MYO3B: variants seen among roughly 807,000 people sequenced by gnomAD.
MYO3B encodes myosin-IIIb.
Under a neutral mutation model 174.6 loss-of-function variants are expected in MYO3B, and 156 were observed. That is an observed-to-expected ratio of 0.89 (90% CI 0.78 to 1.02). The LOEUF is 1.02. Among genes scored for constraint, MYO3B ranks in the 50% least tolerant of loss-of-function variants. The pLI is 0.00. For missense variants in MYO3B, 1,632 were observed against 1,639.4 expected (o/e 1.00, Z 0.08); for synonymous variants, 563 against 569.1 (o/e 0.99, Z 0.15).
chr2:170,637,478 A>G (rs759494660), intron 32 of MYO3B, among the ~76,000 whole-genome samples: 59 of 152,030 alleles, frequency 3.9e-4, no homozygotes, highest in Non-Finnish European at 6.0e-4. Context: ...CCACCTGAGT[A>G]TAGGGATATT....
intron 25 of MYO3B, among the ~76,000 whole-genome samples, chr2:170,491,132 A>G (rs759379553): frequency 2.6e-5 from 4 of 151,854 alleles, no homozygotes; most frequent in Non-Finnish European, 4.4e-5. Flanking sequence ...TCTATTTCTT[A>G]TGGTGGAGGT....
At chr2:170,461,669 G>A (rs543707904) in intron 23 of MYO3B, among the ~76,000 whole-genome samples, 13 of 151,852 alleles carry the variant, frequency 8.6e-5, no homozygotes, top group African/African-American at 3.1e-4. Flanking sequence ...CCAGCTACTC[G>A]GGAGGCCGAG....
Position 170,622,570 on chromosome 2 carries a change from T to C in MYO3B, c.3734-29058T>C, listed in dbSNP as rs913676702. Reference sequence around the variant, plus strand: ...CACATTCTTACATTCTTTTATAATATACATTTTTTTTTATTATTATACTTT... The same window carrying C: ...CACATTCTTACATTCTTTTATAATACACATTTTTTTTTATTATTATACTTT... On this transcript the variant is annotated intron_variant, in intron 32 of 34. Coordinates refer to ENST00000408978, the MANE Select transcript of MYO3B (RefSeq NM_138995.5). Among the ~76,000 whole-genome samples the C allele has an allele frequency of 1.1e-3, 152 of 144,432 alleles. 1 individual carries two copies. The highest frequency in any genetic ancestry group is 3.9e-3 in the African/African-American group (145 of 36,814). 94.8% of individuals were successfully genotyped at this position (144,432 alleles called of 152,430 possible).
Position 170,514,340 on chromosome 2 carries a change from C to T in MYO3B, c.3371-581C>T, listed in dbSNP as rs1688161188. Among the ~76,000 whole-genome samples the T allele has an allele frequency of 2.0e-5, 3 of 152,162 alleles. No homozygotes were observed. The South Asian group carries it at 6.2e-4, about 32-fold the overall frequency. On this transcript the variant is annotated intron_variant, in intron 28 of 34. Coordinates refer to ENST00000408978, the MANE Select transcript of MYO3B (RefSeq NM_138995.5). ...AAGCTGACTGGACAATGAGAAGCTG[C>T]AATGTGATATTCCTCAAGTGAATAT...
intron 22 of MYO3B, among the ~76,000 whole-genome samples, chr2:170,432,646 G>A (rs556561637): frequency 2.0e-5 from 3 of 150,798 alleles, no homozygotes; most frequent in East Asian, 2.0e-4. Flanking sequence ...GCACGATCTC[G>A]GCTCACTGCA....
chr2:170,572,866 C>T (rs1012041349), intron 32 of MYO3B, among the ~76,000 whole-genome samples: 1 of 152,076 alleles, frequency 6.6e-6, no homozygotes, highest in Non-Finnish European at 1.5e-5. Context: ...TTATTCCAGA[C>T]CAAAATATTA....
At chr2:170,267,508 C>T (rs1416283254) in intron 7 of MYO3B, among the ~76,000 whole-genome samples, 1 of 152,174 alleles carries the variant, frequency 6.6e-6, no homozygotes, top group Non-Finnish European at 1.5e-5. Flanking sequence ...TAGAATTATG[C>T]TGTATATACA....
Position 170,437,524 on chromosome 2 carries a change from G to C in MYO3B, c.2651-6443G>C, listed in dbSNP as rs149486639. On this transcript the variant is annotated intron_variant, in intron 22 of 34. Transcript: ENST00000408978. ...ATCTCTGCGGACACAAGGACACAGA[G>C]AAGAATCTGAACAAATAGGCCTTGC... Among the ~76,000 whole-genome samples the C allele has an allele frequency of 1.9e-3, 294 of 152,264 alleles. 4 individuals carry two copies. The highest frequency in any genetic ancestry group is 6.5e-3 in the African/African-American group (272 of 41,544).
intron 30 of MYO3B, among the ~76,000 whole-genome samples, chr2:170,527,364 G>A (rs746639682): frequency 2.6e-5 from 4 of 152,120 alleles, no homozygotes; most frequent in Non-Finnish European, 4.4e-5. Context: ...ATAGTGTTTG[G>A]GTAGAATATA....
intron 22 of MYO3B, among the ~76,000 whole-genome samples, chr2:170,418,633 G>A (rs2094596413): frequency 6.6e-6 from 1 of 152,118 alleles, no homozygotes; most frequent in African/African-American, 2.4e-5. Flanking sequence ...CCCATGATGA[G>A]AACAGAAGTC....
chr2:170,633,696 T>C (rs781746351), intron 32 of MYO3B, among the ~76,000 whole-genome samples: 2 of 152,224 alleles, frequency 1.3e-5, no homozygotes, highest in Non-Finnish European at 2.9e-5. Context: ...TGTTTGCAGA[T>C]GATTGTATAT....
Position 170,214,540 on chromosome 2 carries a change from T to G in MYO3B, c.426+57T>G, listed in dbSNP as rs2092807242. 44 of 1,535,794 alleles carry G rather than the reference T, an allele frequency of 2.9e-5. No homozygotes were observed. The South Asian group carries it at 4.8e-4, about 17-fold the overall frequency. ...CAGATGGGATGGTTTGTTCATTGCT[T>G]GGGTCCTTATTGCATATTAACAATG... On this transcript the variant is annotated intron_variant, in intron 4 of 34. Transcript: ENST00000408978.
intron 22 of MYO3B, among the ~76,000 whole-genome samples, chr2:170,428,748 A>G (rs1238526847): frequency 3.3e-5 from 5 of 152,232 alleles, no homozygotes; most frequent in Non-Finnish European, 5.9e-5. Flanking sequence ...GTGAAGCTAC[A>G]TAGCCACAAA....
At chr2:170,563,117 CAT>C (rs1385599587) in intron 32 of MYO3B, among the ~76,000 whole-genome samples, 15 of 133,050 alleles carry the variant, frequency 1.1e-4, no homozygotes, top group African/African-American at 5.0e-4. Context: ...CTCTCTCACA[CAT>C]ACACACACAC....
intron 32 of MYO3B, among the ~76,000 whole-genome samples, chr2:170,612,459 T>C (rs1695183012): frequency 6.6e-6 from 1 of 152,200 alleles, no homozygotes; most frequent in Non-Finnish European, 1.5e-5. Context: ...ATTACCCCTA[T>C]TGTTTATTGT....
chr2:170,269,013 T>C (rs2093405351), intron 7 of MYO3B, among the ~76,000 whole-genome samples: 1 of 152,188 alleles, frequency 6.6e-6, no homozygotes, highest in African/African-American at 2.4e-5. Context: ...TTCTGTTTCC[T>C]GAATCCAGCT....
chr2:170,482,929 T>G (rs1365574434), intron 25 of MYO3B, among the ~76,000 whole-genome samples: 2 of 152,268 alleles, frequency 1.3e-5, no homozygotes, highest in African/African-American at 4.8e-5. Flanking sequence ...GGACCCTTTC[T>G]TAGTTGCCTA....
At chr2:170,195,072 C>G (rs1277071390) in intron 1 of MYO3B, among the ~76,000 whole-genome samples, 1 of 151,924 alleles carries the variant, frequency 6.6e-6, no homozygotes, top group Admixed American at 6.6e-5. Flanking sequence ...GTGGGTCTGC[C>G]TCTCCCAGTC....
Position 170,583,025 on chromosome 2 carries a change from G to A in MYO3B, c.3733+39037G>A, listed in dbSNP as rs1256398937. Reference sequence around the variant, plus strand: ...TCCTGACAGCTCCCCCTGCCCTGGAGTGCTGCCACACTGCAGAGTCTACCC... The same window carrying A: ...TCCTGACAGCTCCCCCTGCCCTGGAATGCTGCCACACTGCAGAGTCTACCC... On this transcript the variant is annotated intron_variant, in intron 32 of 34. Coordinates refer to ENST00000408978, the MANE Select transcript of MYO3B (RefSeq NM_138995.5). Among the ~76,000 whole-genome samples the A allele has an allele frequency of 2.0e-5, 3 of 151,842 alleles. No homozygotes were observed. In the East Asian group the frequency reaches 5.8e-4, roughly 30 times the overall value.
Sources: gnomAD v4.1 joint callset for allele counts (sites outside exome capture counted in the v4.1 genomes callset) on GRCh38, gnomAD v4.1.1 for gene constraint, MANE v1.5 for transcripts, NCBI Gene and HGNC (gene_info 2026-07-23, HGNC 2026-07-21) for gene names.